The following METTL8 variants were observed in gnomAD, a reference collection of about 807,000 sequenced individuals.
The protein encoded by METTL8 is tRNA N(3)-cytidine methyltransferase METTL8, mitochondrial.
METTL8 carries 32 observed loss-of-function variants against 48.7 expected under a neutral mutation model. That is an observed-to-expected ratio of 0.66 (90% CI 0.50 to 0.88). METTL8 has a LOEUF of 0.88. Among genes scored for constraint, METTL8 ranks in the 40% least tolerant of loss-of-function variants. The pLI, the probability that METTL8 is intolerant of heterozygous loss-of-function variation, is 0.00. For synonymous variants in METTL8, 136 were observed against 157.1 expected, an observed-to-expected ratio of 0.87 and a Z score of 1.01; for missense variants, 464 against 474.4, an observed-to-expected ratio of 0.98 and a Z score of 0.20.
At chr2:171,401,017 T>C (rs1373300267) in intron 1 of METTL8, among the ~76,000 whole-genome samples, 6 of 152,174 alleles carry the variant, frequency 3.9e-5, no homozygotes, top group Non-Finnish European at 8.8e-5. Context: ...TTAACTTCCC[T>C]TCAATGTTTC....
intron 5 of METTL8, among the ~76,000 whole-genome samples, chr2:171,335,728 G>A (rs927704342): frequency 1.3e-5 from 2 of 151,922 alleles, no homozygotes; most frequent in Admixed American, 1.3e-4. Flanking sequence ...CCAGGCCCCA[G>A]ATGCTTTTAC....
intron 1 of METTL8, among the ~76,000 whole-genome samples, chr2:171,402,339 G>A (rs2105595844): frequency 6.6e-6 from 1 of 152,272 alleles, no homozygotes; most frequent in East Asian, 1.9e-4. Flanking sequence ...ATGGTAATAA[G>A]CACTGTACTC....
At chr2:171,380,871 C>T (rs1687455502) in intron 2 of METTL8, among the ~76,000 whole-genome samples, 1 of 152,308 alleles carries the variant, frequency 6.6e-6, no homozygotes, top group East Asian at 1.9e-4. Context: ...CTACTGTTGA[C>T]TTTCTTCACA....
At chr2:171,343,840 A>G (rs1007090616) in intron 3 of METTL8, among the ~76,000 whole-genome samples, 12 of 152,166 alleles carry the variant, frequency 7.9e-5, no homozygotes, top group Admixed American at 7.9e-4. Flanking sequence ...CAGACTACAA[A>G]ATCTTGGATC....
chr2:171,406,872 T>C (rs1483856900), intron 1 of METTL8, among the ~76,000 whole-genome samples: 1 of 152,174 alleles, frequency 6.6e-6, no homozygotes, highest in Non-Finnish European at 1.5e-5. Flanking sequence ...CCTCTTTTTT[T>C]TTTTTCAGTT....
At chr2:171,421,504 A>G (rs1442602392) in intron 1 of METTL8, among the ~76,000 whole-genome samples, 2 of 152,186 alleles carry the variant, frequency 1.3e-5, no homozygotes, top group East Asian at 3.9e-4. Context: ...CACATCATTT[A>G]TAACAATGAC....
chr2:171,406,486 T>A (rs539658522), intron 1 of METTL8, among the ~76,000 whole-genome samples: 2 of 152,364 alleles, frequency 1.3e-5, no homozygotes, highest in South Asian at 2.1e-4. Context: ...ATTTGGTTCC[T>A]GGCTTGTAGA....
At chr2:171,404,391 G>T (rs1349330700) in intron 1 of METTL8, among the ~76,000 whole-genome samples, 4 of 151,880 alleles carry the variant, frequency 2.6e-5, no homozygotes, top group Admixed American at 2.0e-4. Context: ...GAGCCATGAC[G>T]GTGTCAATGG....
intron 1 of METTL8, among the ~76,000 whole-genome samples, chr2:171,415,327 TC>T (rs1691196918): frequency 6.6e-6 from 1 of 151,966 alleles, no homozygotes; most frequent in South Asian, 2.1e-4. Context: ...CCTTGCATTT[TC>T]TTCTTAATAT....
intron 5 of METTL8, among the ~76,000 whole-genome samples, chr2:171,334,284 G>GGCA (rs1685858268): frequency 6.6e-6 from 1 of 152,088 alleles, no homozygotes; most frequent in South Asian, 2.1e-4. Context: ...CTGCCACGGT[G>GGCA]GCAGCATGAC....
intron 2 of METTL8, among the ~76,000 whole-genome samples, chr2:171,380,656 A>G (rs1207994235): frequency 6.6e-6 from 1 of 152,192 alleles, no homozygotes; most frequent in African/African-American, 2.4e-5. Context: ...CAACTGCTAC[A>G]AAGAAAATAA....
chr2:171,330,474 T>C (rs1001060800), intron 7 of METTL8, 85 bp downstream of exon 7: 5 of 1,310,782 alleles, frequency 3.8e-6, no homozygotes, highest in Non-Finnish European at 5.3e-6. Flanking sequence ...AATTCAAAAA[T>C]TGTCATTTTT....
chr2:171,409,349 T>C (rs944404813), intron 1 of METTL8, among the ~76,000 whole-genome samples: 5 of 151,926 alleles, frequency 3.3e-5, no homozygotes, highest in Non-Finnish European at 7.4e-5. Context: ...CGGAAACATT[T>C]CTAAGGGGCA....
At chr2:171,375,281 T>C in intron 2 of METTL8, 1 of 870,312 alleles carries the variant, frequency 1.1e-6, no homozygotes, top group South Asian at 1.3e-5. Context: ...TTTGTCATCT[T>C]GGAGGCACGG....
intron 1 of METTL8, among the ~76,000 whole-genome samples, chr2:171,429,267 T>C (rs977871719): frequency 6.6e-6 from 1 of 152,220 alleles, no homozygotes; most frequent in Non-Finnish European, 1.5e-5. Flanking sequence ...CATTGATACA[T>C]GTTAATGAGA....
chr2:171,341,188 T>C lies in METTL8; in HGVS notation c.236-1634A>G, dbSNP rs192841495. Among the ~76,000 whole-genome samples, 398 of 147,238 alleles carry C rather than the reference T, an allele frequency of 2.7e-3. 7 individuals carry two copies. The East Asian group carries it at 0.03, about 11-fold the overall frequency. On this transcript the variant is annotated intron_variant, in intron 3 of 9. Coordinates refer to ENST00000375258, the MANE Select transcript of METTL8 (RefSeq NM_001321154.2). The stretch of plus-strand genomic sequence containing the variant: ...ACTAAAAATACAAAAATTAGCCAGG[T>C]GTGGTGGCAGGCGCCTGTAATCCCA...
chr2:171,341,554 CCT>C (rs1686768970), intron 3 of METTL8, among the ~76,000 whole-genome samples: 3 of 150,570 alleles, frequency 2.0e-5, no homozygotes, highest in African/African-American at 7.4e-5. Context: ...CTTTTTTTTC[CCT>C]TTTTTTTTTT....
intron 3 of METTL8, among the ~76,000 whole-genome samples, chr2:171,339,850 C>T (rs1027768750): frequency 3.3e-5 from 5 of 152,162 alleles, no homozygotes; most frequent in Non-Finnish European, 7.4e-5. Context: ...AAACAACTTT[C>T]TAATTTTATC....
At chr2:171,383,691 A>G (rs1007664219) in intron 2 of METTL8, among the ~76,000 whole-genome samples, 2 of 152,232 alleles carry the variant, frequency 1.3e-5, no homozygotes, top group Non-Finnish European at 2.9e-5. Context: ...CATTGTGAAT[A>G]AGGAATGATT....
Sources: allele counts gnomAD v4.1 joint callset (sites outside exome capture counted in the v4.1 genomes callset), GRCh38; gene constraint gnomAD v4.1.1; transcripts MANE v1.5; gene names NCBI Gene and HGNC (gene_info 2026-07-23, HGNC 2026-07-21).